The following IPCEF1 variants were observed in gnomAD, a reference collection of about 807,000 sequenced individuals.
The protein encoded by IPCEF1 is interactor protein for cytohesin exchange factors 1.
A neutral mutation model predicts 50.9 loss-of-function variants in IPCEF1; 31 were observed. The ratio of observed to expected loss-of-function variants is 0.61; its 90% confidence interval spans 0.46 to 0.82. The LOEUF (loss-of-function observed/expected upper bound fraction) is 0.82. IPCEF1 is among the 40% of genes least tolerant of loss of function. The probability of loss-of-function intolerance (pLI) is 0.00; values close to 1 mark genes in which losing one functional copy is unlikely to be tolerated. For missense variants in IPCEF1, 458 were observed against 514.0 expected (o/e 0.89, Z 1.05); for synonymous variants, 181 against 192.0 (o/e 0.94, Z 0.47).
intron 2 of IPCEF1, among the ~76,000 whole-genome samples, chr6:154,286,307 C>T (rs1252945476): frequency 6.6e-6 from 1 of 152,128 alleles, no homozygotes; most frequent in East Asian, 1.9e-4. Context: ...AACATGTATA[C>T]CTATGTAACA....
At chr6:154,280,752 C>T (rs554066562) in intron 2 of IPCEF1, among the ~76,000 whole-genome samples, 68 of 152,256 alleles carry the variant, frequency 4.5e-4, no homozygotes, top group African/African-American at 1.6e-3. Context: ...GGAATGGGTA[C>T]AAGAGGGGAT....
At position 154,265,981 on chromosome 6, in the gene IPCEF1, GT is replaced by G; in HGVS notation, c.-17-18del. On this transcript the variant is annotated intron_variant, in intron 2 of 11. Transcript: ENST00000367220. ...AAACAAAAGCTAGAAGAGAAAAAAT[GT>G]TTTCAGTTAAATGTGAGATTAAAGT... 1 of 1,514,864 alleles carries G rather than the reference GT, an allele frequency of 6.6e-7. No individual in the cohort carries two copies. Among genetic ancestry groups the G allele is most frequent in the Non-Finnish European group, 9.1e-7 (1 of 1,100,276 alleles). 93.8% of individuals were successfully genotyped at this position (1,514,864 alleles called of 1,614,324 possible). A position where few individuals can be genotyped will look rare whatever the true frequency, so the allele number is the denominator to read the frequency against.
intron 5 of IPCEF1, among the ~76,000 whole-genome samples, chr6:154,243,037 G>T (rs1171550862): frequency 6.6e-6 from 1 of 152,190 alleles, no homozygotes; most frequent in Non-Finnish European, 1.5e-5. Flanking sequence ...GAATTGGATA[G>T]GAGAAAGACT....
chr6:154,195,537 C>T (rs771381589), intron 10 of IPCEF1, among the ~76,000 whole-genome samples: 27 of 152,218 alleles, frequency 1.8e-4, no homozygotes, highest in Non-Finnish European at 3.7e-4. Flanking sequence ...AACACCTATC[C>T]CAGTATTCAA....
intron 1 of IPCEF1, among the ~76,000 whole-genome samples, chr6:154,304,660 C>T (rs1193788322): frequency 1.3e-5 from 2 of 152,142 alleles, no homozygotes; most frequent in Non-Finnish European, 2.9e-5. Flanking sequence ...GCCAATATGA[C>T]CAAATCCATA....
At chr6:154,282,500 G>A (rs919795300) in intron 2 of IPCEF1, among the ~76,000 whole-genome samples, 28 of 152,224 alleles carry the variant, frequency 1.8e-4, no homozygotes, top group Non-Finnish European at 4.0e-4. Flanking sequence ...GGCTAACACG[G>A]TGAAACCCTA....
At chr6:154,326,350 T>C (rs1297926145) in intron 1 of IPCEF1, among the ~76,000 whole-genome samples, 1 of 152,186 alleles carries the variant, frequency 6.6e-6, no homozygotes, top group Non-Finnish European at 1.5e-5. Flanking sequence ...CTTCTTAAGC[T>C]GATAAGCAAC....
At chr6:154,347,283 A>T (rs571477264) in intron 1 of IPCEF1, among the ~76,000 whole-genome samples, 14 of 152,306 alleles carry the variant, frequency 9.2e-5, no homozygotes, top group African/African-American at 3.1e-4. Flanking sequence ...CAGGTCAAAT[A>T]AGCCTAGGCT....
chr6:154,253,467 A>AT (rs1295279126), intron 3 of IPCEF1, among the ~76,000 whole-genome samples: 1 of 152,210 alleles, frequency 6.6e-6, no homozygotes, highest in Non-Finnish European at 1.5e-5. Flanking sequence ...TCTCTAGTTC[A>AT]TTTTCAATGC....
chr6:154,167,512 A>C (rs141294829), intron 11 of IPCEF1, among the ~76,000 whole-genome samples: 3 of 152,328 alleles, frequency 2.0e-5, no homozygotes, highest in African/African-American at 7.2e-5. Context: ...CCTTGTATGA[A>C]TCAGATGAAA....
intron 1 of IPCEF1, among the ~76,000 whole-genome samples, chr6:154,355,501 T>TG (rs1289882878): frequency 6.6e-6 from 1 of 151,878 alleles, no homozygotes; most frequent in African/African-American, 2.4e-5. Context: ...TTTCTTTTTT[T>TG]TTTTTGAGAT....
chr6:154,195,873 C>A lies in IPCEF1; in HGVS notation c.910+3795G>T, dbSNP rs151243528. On this transcript the variant is annotated intron_variant, in intron 10 of 11. Transcript: ENST00000367220. ...GTGGTGCAATCTCGGCTCACTGCAA[C>A]CTCTGCCTCGCAGGTTCAAGCAATT... Among the ~76,000 whole-genome samples, 1,480 of 151,140 alleles carry A rather than the reference C, an allele frequency of 9.8e-3. 12 individuals carry two copies. The highest frequency in any genetic ancestry group is 0.015 in the Non-Finnish European group (1,051 of 67,856).
intron 7 of IPCEF1, 175 bp from the exon 8 acceptor site, chr6:154,214,451 T>C: frequency 1.6e-6 from 1 of 629,828 alleles, no homozygotes; most frequent in Admixed American, 2.7e-5. Flanking sequence ...CACAATACTT[T>C]CCATACTCAA....
At chr6:154,324,923 C>T (rs975018348) in intron 1 of IPCEF1, among the ~76,000 whole-genome samples, 3 of 151,916 alleles carry the variant, frequency 2.0e-5, no homozygotes, top group Non-Finnish European at 4.4e-5. Flanking sequence ...CATACAAAGT[C>T]AAAAGACAAA....
chr6:154,174,558 A>G (rs527806909), intron 10 of IPCEF1, among the ~76,000 whole-genome samples: 2 of 152,334 alleles, frequency 1.3e-5, no homozygotes, highest in African/African-American at 4.8e-5. Context: ...ACCAACAAAG[A>G]TCAAAAGAGA....
intron 3 of IPCEF1, among the ~76,000 whole-genome samples, chr6:154,256,138 GA>G (rs1168774163): frequency 3.9e-5 from 6 of 152,154 alleles, no homozygotes; most frequent in Non-Finnish European, 7.4e-5. Flanking sequence ...CACAGTTCTG[GA>G]AGCTGGGAAG....
At chr6:154,191,713 G>C (rs1182309382) in intron 10 of IPCEF1, among the ~76,000 whole-genome samples, 1 of 150,718 alleles carries the variant, frequency 6.6e-6, no homozygotes, top group Non-Finnish European at 1.5e-5. Flanking sequence ...CAACAACAAA[G>C]AGTGAACCCT....
chr6:154,301,214 C>T (rs1782787119), intron 1 of IPCEF1, among the ~76,000 whole-genome samples: 1 of 152,036 alleles, frequency 6.6e-6, no homozygotes, highest in African/African-American at 2.4e-5. Flanking sequence ...CATGTGTATC[C>T]CTGATCCCTC....
intron 11 of IPCEF1, among the ~76,000 whole-genome samples, chr6:154,162,934 C>T (rs561761559): frequency 2.0e-5 from 3 of 152,320 alleles, no homozygotes; most frequent in Admixed American, 2.0e-4. Flanking sequence ...CCAATGCACA[C>T]CAAACCCGGT....
Sources: allele counts gnomAD v4.1 joint callset (sites outside exome capture counted in the v4.1 genomes callset), GRCh38; gene constraint gnomAD v4.1.1; transcripts MANE v1.5; gene names NCBI Gene and HGNC (gene_info 2026-07-23, HGNC 2026-07-21).